Variants in EEF1G observed in about 807,000 individuals in gnomAD.
The protein encoded by EEF1G is eukaryotic translation elongation factor 1 gamma.
EEF1G carries 14 observed loss-of-function variants against 58.3 expected under a neutral mutation model. That is an observed-to-expected ratio of 0.24 (90% CI 0.16 to 0.38). EEF1G has a LOEUF of 0.38. Ranked by LOEUF, EEF1G falls within the 10% of genes least tolerant of loss-of-function variation. EEF1G has a pLI of 1.00. For missense variants in EEF1G, 322 were observed against 550.1 expected (o/e 0.59, Z 4.15); for synonymous variants, 180 against 206.8 (o/e 0.87, Z 1.11).
At chr11:62,564,587 CCT>C (rs916628991) in intron 7 of EEF1G, among the ~76,000 whole-genome samples, 12 of 149,782 alleles carry the variant, frequency 8.0e-5, no homozygotes, top group African/African-American at 3.0e-4. Context: ...ATGGTGAAAC[CCT>C]GTCTCTGCTA....
intron 5 of EEF1G, 31 bp from the exon 6 acceptor site, chr11:62,567,559 A>G: frequency 6.4e-7 from 1 of 1,557,488 alleles, no homozygotes; most frequent in Non-Finnish European, 8.7e-7. Context: ...AAACAAAGTC[A>G]GTGGAAAGGC....
Position 62,572,407 on chromosome 11 carries a change from C to T in EEF1G, c.171+177G>A, listed in dbSNP as rs552970905. On this transcript the variant is annotated intron_variant, in intron 2 of 9. Transcript: ENST00000329251. ...AATTTTATAAAGTCACAGAATAGCTCTGTATTTTTTTTCACAACTACATGT... is the reference window on the plus strand; with the variant it reads ...AATTTTATAAAGTCACAGAATAGCTTTGTATTTTTTTTCACAACTACATGT... Among the ~76,000 whole-genome samples, 49 of 152,348 alleles carry T rather than the reference C, an allele frequency of 3.2e-4. No homozygotes were observed. In the Middle Eastern group the frequency reaches 0.017, roughly 53 times the overall value.
In EEF1G at chr11:62,560,473, A is replaced by G. The variant is rs750350542; in HGVS notation, c.858-19T>C. ...AAAGGTACTAAGAGGAAGAAAGCAC[A>G]GGGGTCAATCAATAAGGAGGAAGGT... On this transcript the variant is annotated intron_variant, in intron 7 of 9. Transcript: ENST00000329251. 1.2e-6 allele frequency: 2 copies of G among 1,606,020 alleles called. No individual in the cohort carries two copies. The highest frequency in any genetic ancestry group is 1.3e-5 in the African/African-American group (1 of 74,950).
At chr11:62,561,508 A>T (rs1315631659) in intron 7 of EEF1G, among the ~76,000 whole-genome samples, 4 of 130,076 alleles carry the variant, frequency 3.1e-5, no homozygotes, top group Non-Finnish European at 1.7e-5. Context: ...ACCTATCTCT[A>T]CTAAAAAAAA....
At chr11:62,571,736 C>T in intron 3 of EEF1G, 54 bp from the exon 4 acceptor site, 2 of 1,568,964 alleles carry the variant, frequency 1.3e-6, no homozygotes, top group Non-Finnish European at 1.7e-6. Context: ...AACACCAGTC[C>T]AGGTCCTGGA....
chr11:62,566,408 A>G (rs1941556056), intron 7 of EEF1G, among the ~76,000 whole-genome samples: 1 of 152,236 alleles, frequency 6.6e-6, no homozygotes, highest in African/African-American at 2.4e-5. Flanking sequence ...TCTGGCATCC[A>G]CTATCTCCGC....
At position 62,560,115 on chromosome 11, in the gene EEF1G, G is replaced by A. The variant is rs1294285441; in HGVS notation, c.1109C>T (p.Ser370Phe). ...TCGGAAGACCCAGACTCCAGAAATG[G>A]AGCTGCTATTGTTGGTTCCAAAAAG... ...VILFGTNNSS[S>F]ISGVWVFRGQ... Residue 370 changes from serine to phenylalanine, a missense_variant, in exon 9 of 10, where the codon TCC (serine) becomes TTC (phenylalanine). Transcript: ENST00000329251. 5 of 1,614,010 alleles carry A rather than the reference G, an allele frequency of 3.1e-6. No homozygotes were observed. Among genetic ancestry groups the A allele is most frequent in the South Asian group, 2.2e-5 (2 of 91,080 alleles).
At chr11:62,563,282 G>A (rs571238840) in intron 7 of EEF1G, among the ~76,000 whole-genome samples, 14 of 151,796 alleles carry the variant, frequency 9.2e-5, no homozygotes, top group African/African-American at 1.7e-4. Context: ...GCCTGCTACC[G>A]CCCCCGGCTA....
At chr11:62,568,416 A>G (rs1565261906) in intron 5 of EEF1G, among the ~76,000 whole-genome samples, 1 of 150,196 alleles carries the variant, frequency 6.7e-6, no homozygotes, top group African/African-American at 2.4e-5. Context: ...AAAAAATTTT[A>G]ATAGAGATGG....
At chr11:62,573,533 C>T (rs1342013638) in intron 1 of EEF1G, 2 of 547,620 alleles carry the variant, frequency 3.7e-6, no homozygotes, top group South Asian at 2.2e-5. Flanking sequence ...CGTCAACCTG[C>T]CCAGATACCA....
intron 7 of EEF1G, among the ~76,000 whole-genome samples, chr11:62,565,623 T>C (rs1046048883): frequency 6.6e-6 from 1 of 152,194 alleles, no homozygotes; most frequent in South Asian, 2.1e-4. Context: ...CAATATGTAA[T>C]TTGGGTTAAT....
At chr11:62,572,028 A>T (rs1281654853) in intron 2 of EEF1G, 127 bp from the exon 3 acceptor site, 3 of 792,384 alleles carry the variant, frequency 3.8e-6, no homozygotes, top group Admixed American at 4.9e-5. Flanking sequence ...AACTCTTGAT[A>T]CTCAAGAACC....
intron 5 of EEF1G, among the ~76,000 whole-genome samples, chr11:62,567,993 T>C (rs1941577172): frequency 1.3e-5 from 2 of 150,832 alleles, no homozygotes; most frequent in African/African-American, 4.9e-5. Context: ...TGCTGGGATC[T>C]CCGAGGCGGG....
intron 3 of EEF1G, 41 bp from the exon 4 acceptor site, chr11:62,571,723 G>T: frequency 1.3e-6 from 2 of 1,574,410 alleles, no homozygotes; most frequent in Non-Finnish European, 1.7e-6. Context: ...CTGGGGGAAT[G>T]CCAACACCAG....
chr11:62,561,387 A>G (rs1455094395), intron 7 of EEF1G, among the ~76,000 whole-genome samples: 1 of 150,950 alleles, frequency 6.6e-6, no homozygotes, highest in Non-Finnish European at 1.5e-5. Flanking sequence ...CTGGGGGGAA[A>G]AAAAAGGACA....
rs1175604786 is a variant in EEF1G at position 62,571,013 on chromosome 11, T to C, written c.474A>G (p.Thr158=). Residue 158 remains threonine, a synonymous_variant, in exon 5 of 10, where the codon ACA becomes ACG. Transcript: ENST00000329251. ...TRTFLVGERV[T]LADITVVCTL... ...TGCAGACAACTGTGATGTCAGCCAA[T>C]GTCACTCGTTCGCCCACCAGAAAAG... 3 of 1,613,936 alleles carry C rather than the reference T, an allele frequency of 1.9e-6. No individual in the cohort carries two copies. The highest frequency in any genetic ancestry group is 2.2e-5 in the East Asian group (1 of 44,892).
chr11:62,570,513 G>C (rs975844963), intron 5 of EEF1G, among the ~76,000 whole-genome samples: 35 of 152,192 alleles, frequency 2.3e-4, no homozygotes, highest in African/African-American at 8.4e-4. Context: ...AGCTTCTTAA[G>C]AGAATGGAAA....
chr11:62,567,080 G>C (rs1434360896), intron 6 of EEF1G, 70 bp from the exon 7 acceptor site: 1 of 1,515,040 alleles, frequency 6.6e-7, no homozygotes, highest in Admixed American at 1.8e-5. Flanking sequence ...AAACCACACA[G>C]AGCAAGCAAG....
rs1941639227 is a variant in EEF1G at position 62,571,980 on chromosome 11, GA to G, written c.172-80del. 25 of 1,199,562 alleles carry G rather than the reference GA, an allele frequency of 2.1e-5. No homozygotes were observed. In the South Asian group the frequency reaches 3.0e-4, roughly 14 times the overall value. 74.3% of individuals were successfully genotyped at this position (1,199,562 alleles called of 1,614,324 possible). ...CCAATACCAGGAGCCAAACTGCTTTGAAAATACTTATATAAGGCTGATGATT... is the reference window on the plus strand; with the variant it reads ...CCAATACCAGGAGCCAAACTGCTTTGAAATACTTATATAAGGCTGATGATT... On this transcript the variant is annotated intron_variant, in intron 2 of 9. Coordinates refer to ENST00000329251, the MANE Select transcript of EEF1G (RefSeq NM_001404.5).
Sources: allele counts gnomAD v4.1 joint callset (sites outside exome capture counted in the v4.1 genomes callset), GRCh38; gene constraint gnomAD v4.1.1; transcripts MANE v1.5; gene names NCBI Gene and HGNC (gene_info 2026-07-23, HGNC 2026-07-21).